CD99: variants seen among roughly 807,000 people sequenced by gnomAD.
CD99 encodes the protein CD99 molecule (Xg blood group), also known as CD99 antigen.
A neutral mutation model predicts 28.4 loss-of-function variants in CD99; 19 were observed. The ratio of observed to expected loss-of-function variants is 0.67; its 90% CI spans 0.47 to 0.98. The LOEUF (loss-of-function observed/expected upper bound fraction) is 0.98. Among genes scored for constraint, CD99 ranks in the 50% least tolerant of loss-of-function variants. The pLI, the probability that CD99 is intolerant of heterozygous loss-of-function variation, is 0.00. For synonymous variants in CD99, 103 were observed against 92.1 expected (o/e 1.12, Z -0.67); for missense variants, 283 against 248.8 (o/e 1.14, Z -0.92).
At chrX:2,693,242 C>T (rs1193107822) in intron 1 of CD99, among the ~76,000 whole-genome samples, 1 of 150,832 alleles carries the variant, frequency 6.6e-6, no homozygotes, top group Non-Finnish European at 1.5e-5. Context: ...TTTTTAAACC[C>T]ACAGCAGTGT....
chrX:2,707,450 A>AG (rs1170363611), intron 1 of CD99, among the ~76,000 whole-genome samples: 1 of 152,134 alleles, frequency 6.6e-6, no homozygotes, highest in Non-Finnish European at 1.5e-5. Flanking sequence ...CACGTTGCAG[A>AG]GGAACTCACA....
chrX:2,716,963 C>T (rs1216543903), intron 2 of CD99, among the ~76,000 whole-genome samples: 4 of 152,126 alleles, frequency 2.6e-5, no homozygotes, highest in Admixed American at 1.3e-4. Flanking sequence ...GCATAGATCT[C>T]GGGCTCTGAA....
chrX:2,716,431 G>T (rs759425179), intron 2 of CD99, among the ~76,000 whole-genome samples: 1 of 152,206 alleles, frequency 6.6e-6, no homozygotes, highest in Non-Finnish European at 1.5e-5. Context: ...TGACCGTCTG[G>T]GCTCAAGCAG....
At chrX:2,717,499 A>G (rs2048785825) in intron 2 of CD99, 106 bp from the exon 3 acceptor site, 1 of 928,168 alleles carries the variant, frequency 1.1e-6, no homozygotes, top group East Asian at 2.5e-5. Flanking sequence ...TGCTAAAAAC[A>G]TTCTCCGACT....
intron 8 of CD99, among the ~76,000 whole-genome samples, chrX:2,730,319 C>T (rs1301956286): frequency 6.6e-6 from 1 of 151,466 alleles, no homozygotes; most frequent in Non-Finnish European, 1.5e-5. Flanking sequence ...ACTACAGGCG[C>T]GTGCCACCAC....
intron 1 of CD99, among the ~76,000 whole-genome samples, chrX:2,713,013 CACAA>C (rs2048498421): frequency 1.3e-5 from 2 of 151,486 alleles, no homozygotes; most frequent in Admixed American, 6.6e-5. Context: ...CCCACACAGG[CACAA>C]ACACACAAAT....
intron 8 of CD99, among the ~76,000 whole-genome samples, chrX:2,736,187 G>A (rs1220019643): frequency 1.6e-4 from 24 of 146,892 alleles, no homozygotes; most frequent in Non-Finnish European, 3.0e-4. Flanking sequence ...GGGCGACAGA[G>A]CAAGACTCTG....
At chrX:2,691,481 T>C (rs1327742170) in intron 1 of CD99, 54 bp downstream of exon 1, 2 of 1,534,298 alleles carry the variant, frequency 1.3e-6, no homozygotes, top group Non-Finnish European at 1.8e-6. Flanking sequence ...GGGCCGGGAC[T>C]GGGGATCCGC....
At chrX:2,711,048 T>G (rs1043760248) in intron 1 of CD99, among the ~76,000 whole-genome samples, 1 of 150,456 alleles carries the variant, frequency 6.6e-6, no homozygotes, top group African/African-American at 2.4e-5. Flanking sequence ...TTTTTTTGTA[T>G]TTATAGTAGA....
intron 1 of CD99, among the ~76,000 whole-genome samples, chrX:2,704,544 G>A (rs2048029623): frequency 6.6e-6 from 1 of 151,822 alleles, no homozygotes; most frequent in Non-Finnish European, 1.5e-5. Flanking sequence ...AGAGATTCTT[G>A]TGCCTCAGCC....
chrX:2,714,650 C>T (rs370165737), intron 2 of CD99, 196 bp downstream of exon 2: 6 of 476,950 alleles, frequency 1.3e-5, no homozygotes, highest in African/African-American at 1.2e-4. Flanking sequence ...AATAGCATTA[C>T]CTCTAAAAAC....
intron 8 of CD99, chrX:2,733,390 A>G (rs1234902689): frequency 1.3e-6 from 2 of 1,592,826 alleles, no homozygotes; most frequent in Non-Finnish European, 1.7e-6. Flanking sequence ...CAGAGAACCC[A>G]GCCCAGGCCT....
Position 2,734,538 on chromosome X carries a change from T to C in CD99, c.476-3662T>C, listed in dbSNP as rs184051630. On this transcript the variant is annotated intron_variant, in intron 8 of 9. Coordinates refer to ENST00000381192, the MANE Select transcript of CD99 (RefSeq NM_002414.5). ...GCCAGGCTGATCTCGAACTTCTGACTTCAGGTGATCTGCCTGCCTCAACCT... is the reference window on the plus strand; with the variant it reads ...GCCAGGCTGATCTCGAACTTCTGACCTCAGGTGATCTGCCTGCCTCAACCT... Among the ~76,000 whole-genome samples, 262 of 151,948 alleles carry C rather than the reference T, an allele frequency of 1.7e-3. 2 individuals carry two copies. The highest frequency in any genetic ancestry group is 5.5e-3 in the African/African-American group (229 of 41,528).
chrX:2,717,723 T>C, intron 3 of CD99, 71 bp downstream of exon 3: 1 of 1,368,092 alleles, frequency 7.3e-7, no homozygotes. Context: ...GGACGGGACT[T>C]AGGCAACTAG....
chrX:2,718,853 G>T (rs1304196736), intron 3 of CD99, among the ~76,000 whole-genome samples: 1 of 152,156 alleles, frequency 6.6e-6, no homozygotes, highest in East Asian at 1.9e-4. Flanking sequence ...AACATTAATA[G>T]CTCCACTTCA....
chrX:2,693,546 G>T (rs1284175566), intron 1 of CD99, among the ~76,000 whole-genome samples: 1 of 152,182 alleles, frequency 6.6e-6, no homozygotes, highest in African/African-American at 2.4e-5. Context: ...CATCGGGAAA[G>T]TTGACTTTTG....
At chrX:2,712,876 C>T (rs756694544) in intron 1 of CD99, among the ~76,000 whole-genome samples, 6 of 152,242 alleles carry the variant, frequency 3.9e-5, no homozygotes, top group Non-Finnish European at 8.8e-5. Flanking sequence ...CATACACACA[C>T]GTGCACACAA....
intron 9 of CD99, among the ~76,000 whole-genome samples, chrX:2,739,297 A>G (rs1251075121): frequency 1.3e-5 from 2 of 152,270 alleles, no homozygotes; most frequent in East Asian, 1.9e-4. Context: ...GAAAATGGCA[A>G]GAAAAAAATG....
In CD99 at chrX:2,691,403, C is replaced by T. The variant is rs1382374505; in HGVS notation, c.43C>T (p.Leu15=). 1 of 1,584,974 alleles carries T rather than the reference C, an allele frequency of 6.3e-7. No individual in the cohort carries two copies. The change falls in exon 1 of 10, where the codon CTG becomes TTG. Residue 15 remains leucine, a synonymous_variant. Coordinates refer to ENST00000381192, the MANE Select transcript of CD99 (RefSeq NM_002414.5). ...AALALLLFGL[L]GVLVAAPDGG... ...GCTGGCGCTGCTGCTCTTCGGCCTGCTGGGTGTTCTGGTCGCCGCCCCGGG... is the reference window on the plus strand; with the variant it reads ...GCTGGCGCTGCTGCTCTTCGGCCTGTTGGGTGTTCTGGTCGCCGCCCCGGG...
Sources: gnomAD v4.1 joint callset for allele counts (sites outside exome capture counted in the v4.1 genomes callset) on GRCh38, gnomAD v4.1.1 for gene constraint, MANE v1.5 for transcripts, NCBI Gene and HGNC (gene_info 2026-07-23, HGNC 2026-07-21) for gene names.